Variants in PPP4R4 observed in about 807,000 individuals in gnomAD.
PPP4R4 encodes the protein serine/threonine-protein phosphatase 4 regulatory subunit 4.
A neutral mutation model predicts 121.8 loss-of-function variants in PPP4R4; 70 were observed. That is an observed-to-expected ratio of 0.57 (90% CI 0.47 to 0.70). The LOEUF is 0.70. PPP4R4 is among the 30% of genes least tolerant of loss of function. PPP4R4 has a pLI of 0.00. For missense variants in PPP4R4, 875 were observed against 1,033.6 expected, an observed-to-expected ratio of 0.85 and a Z score of 2.10; for synonymous variants, 348 against 355.7, an observed-to-expected ratio of 0.98 and a Z score of 0.24.
chr14:94,213,698 C>T (rs1890864896), intron 3 of PPP4R4, among the ~76,000 whole-genome samples: 1 of 152,030 alleles, frequency 6.6e-6, no homozygotes, highest in African/African-American at 2.4e-5. Context: ...GGCCACAAGC[C>T]AAGGAATGAT....
At chr14:94,251,295 T>G (rs1260164074) in intron 15 of PPP4R4, among the ~76,000 whole-genome samples, 1 of 152,040 alleles carries the variant, frequency 6.6e-6, no homozygotes, top group East Asian at 1.9e-4. Context: ...ATTAAAACAC[T>G]TAGAAGTTAT....
chr14:94,216,838 G>T (rs963912226), intron 3 of PPP4R4, among the ~76,000 whole-genome samples: 1 of 151,802 alleles, frequency 6.6e-6, no homozygotes, highest in African/African-American at 2.4e-5. Flanking sequence ...ACCATGCAAA[G>T]ATCACTTACT....
intron 8 of PPP4R4, among the ~76,000 whole-genome samples, chr14:94,239,379 C>T (rs1054432400): frequency 5.1e-5 from 6 of 117,588 alleles, no homozygotes; most frequent in African/African-American, 1.7e-4. Flanking sequence ...CCCCGGTGTT[C>T]GATGTTCCCC....
intron 17 of PPP4R4, among the ~76,000 whole-genome samples, chr14:94,258,333 G>A (rs190196915): frequency 6.6e-6 from 1 of 152,258 alleles, no homozygotes; most frequent in African/African-American, 2.4e-5. Flanking sequence ...AGTAAATTGA[G>A]AGAATATTTT....
rs769993576 is a variant in PPP4R4 at position 94,256,594 on chromosome 14, T to C, written c.2000T>C (p.Ile667Thr). 2 of 1,604,364 alleles carry C rather than the reference T, an allele frequency of 1.2e-6. No homozygotes were observed. Among genetic ancestry groups the C allele is most frequent in the Non-Finnish European group, 1.7e-6 (2 of 1,174,184 alleles). The change falls in exon 17 of 25, where the codon ATT becomes ACT. Residue 667 changes from isoleucine to threonine, a missense_variant. By Grantham distance (89) the Ile-to-Thr change is moderately conservative. Coordinates refer to ENST00000304338, the MANE Select transcript of PPP4R4 (RefSeq NM_058237.2). ...CQEKDKDVLAIVKRTVLELDR... is the reference protein window; with the variant it reads ...CQEKDKDVLATVKRTVLELDR... ...GAAAAAGATAAAGATGTTCTGGCTA[T>C]TGTAAAAAGAGTAAGTATCACTCTT... is the stretch of plus-strand genomic sequence containing the variant.
chr14:94,266,976 G>C lies in PPP4R4; in HGVS notation c.2396G>C (p.Gly799Ala). Reference sequence around the variant, plus strand: ...TTTTCTAGTAAAAGTTCTACAACAGGATATACAACTTCTGTCTCAGGGTTA... The same window carrying C: ...TTTTCTAGTAAAAGTTCTACAACAGCATATACAACTTCTGTCTCAGGGTTA... The part of the protein sequence containing the change: ...EKCASKSSTT[G>A]YTTSVSGLGK... Residue 799 changes from glycine (G) to alanine (A), a missense_variant, in exon 23 of 25, where the codon GGA becomes GCA. Gly to Ala is a moderately conservative substitution (Grantham distance 60, BLOSUM62 0). Coordinates refer to ENST00000304338, the MANE Select transcript of PPP4R4 (RefSeq NM_058237.2). 1 of 1,589,562 alleles carries C rather than the reference G, an allele frequency of 6.3e-7. No homozygotes were observed. The highest frequency in any genetic ancestry group is 8.6e-7 in the Non-Finnish European group (1 of 1,159,734).
chr14:94,246,310 T>G, intron 13 of PPP4R4, 47 bp from the exon 14 acceptor site: 1 of 1,513,108 alleles, frequency 6.6e-7, no homozygotes, highest in Non-Finnish European at 8.9e-7. Flanking sequence ...TTTTACTGAG[T>G]GCTGCAATTT....
chr14:94,234,151 G>C lies in PPP4R4; in HGVS notation c.623+392G>C, dbSNP rs1174882228. Among the ~76,000 whole-genome samples the C allele has an allele frequency of 7.9e-5, 12 of 152,082 alleles. 1 individual carries two copies. In the East Asian group the frequency reaches 2.1e-3, roughly 27 times the overall value. On this transcript the variant is annotated intron_variant, in intron 6 of 24. Coordinates refer to ENST00000304338, the MANE Select transcript of PPP4R4 (RefSeq NM_058237.2). Reference sequence around the variant, plus strand: ...ATTTAACTTATTGTGAGGTTTTATGGAGCATGTTTATAATTCATGTGCTAC... The same window carrying C: ...ATTTAACTTATTGTGAGGTTTTATGCAGCATGTTTATAATTCATGTGCTAC...
intron 19 of PPP4R4, among the ~76,000 whole-genome samples, chr14:94,264,664 G>C (rs1010228143): frequency 6.6e-6 from 1 of 152,128 alleles, no homozygotes; most frequent in Non-Finnish European, 1.5e-5. Context: ...CATTGTTTTA[G>C]CTTGACAAAC....
intron 2 of PPP4R4, among the ~76,000 whole-genome samples, chr14:94,178,660 T>G (rs1888808775): frequency 6.6e-6 from 1 of 152,180 alleles, no homozygotes; most frequent in Admixed American, 6.5e-5. Context: ...GTTTAGAATA[T>G]TACAGTCTTC....
chr14:94,174,471 T>TCCGCCG lies in PPP4R4; in HGVS notation c.12_17dup (p.Pro5_Pro6dup), dbSNP rs1300209387. The TCCGCCG allele has an allele frequency of 1.2e-6, 2 of 1,601,950 alleles. No individual in the cohort carries two copies. The highest frequency in any genetic ancestry group is 1.7e-6 in the Non-Finnish European group (2 of 1,175,560). ...GCGAGAGTGCCCGGCGGTCCATGCATCCGCCGCCGCCCGCCGCCGCGATGG... is the reference window on the plus strand; with the variant it reads ...GCGAGAGTGCCCGGCGGTCCATGCATCCGCCGCCGCCGCCGCCCGCCGCCGCGATGG... On this transcript the variant is annotated inframe_insertion, in exon 1 of 25. Transcript: ENST00000304338.
At chr14:94,208,862 A>T (rs1380474393) in intron 3 of PPP4R4, among the ~76,000 whole-genome samples, 1 of 152,002 alleles carries the variant, frequency 6.6e-6, no homozygotes, top group East Asian at 1.9e-4. Context: ...TTCTTAAAAA[A>T]AAGTATTTAG....
intron 3 of PPP4R4, among the ~76,000 whole-genome samples, chr14:94,225,953 A>G (rs1312097886): frequency 6.6e-6 from 1 of 152,112 alleles, no homozygotes; most frequent in Non-Finnish European, 1.5e-5. Flanking sequence ...TTGGAAAAAA[A>G]TATTGAATTA....
At chr14:94,210,326 GA>G (rs1953289439) in intron 3 of PPP4R4, among the ~76,000 whole-genome samples, 1 of 150,742 alleles carries the variant, frequency 6.6e-6, no homozygotes, top group Non-Finnish European at 1.5e-5. Flanking sequence ...AGTGTATAAA[GA>G]ATATTATACA....
chr14:94,275,889 G>C (rs1277989785), intron 24 of PPP4R4, among the ~76,000 whole-genome samples: 1 of 152,114 alleles, frequency 6.6e-6, no homozygotes, highest in Non-Finnish European at 1.5e-5. Context: ...AGAAAGATTG[G>C]TAAAGCTGAT....
intron 17 of PPP4R4, among the ~76,000 whole-genome samples, chr14:94,257,656 CACACA>C (rs1893548147): frequency 6.6e-6 from 1 of 151,462 alleles, no homozygotes. Flanking sequence ...CACACACACA[CACACA>C]CACACACACA....
intron 2 of PPP4R4, among the ~76,000 whole-genome samples, chr14:94,187,784 C>T (rs2139395083): frequency 6.6e-6 from 1 of 152,248 alleles, no homozygotes; most frequent in East Asian, 1.9e-4. Context: ...TCAGGTATTT[C>T]ATAGACTGTC....
chr14:94,193,824 G>T (rs1397386997), intron 2 of PPP4R4, among the ~76,000 whole-genome samples: 4 of 152,154 alleles, frequency 2.6e-5, no homozygotes, highest in Non-Finnish European at 5.9e-5. Context: ...AAAGGAATGG[G>T]TTGCTGATAT....
intron 2 of PPP4R4, among the ~76,000 whole-genome samples, chr14:94,198,830 C>T (rs1322602907): frequency 6.6e-6 from 1 of 152,182 alleles, no homozygotes; most frequent in Non-Finnish European, 1.5e-5. Context: ...CTCAATTGCG[C>T]ATTTATGTTT....
Sources: allele counts gnomAD v4.1 joint callset (sites outside exome capture counted in the v4.1 genomes callset), GRCh38; gene constraint gnomAD v4.1.1; transcripts MANE v1.5; gene names NCBI Gene and HGNC (gene_info 2026-07-23, HGNC 2026-07-21).